Variants in GRK2 observed in about 807,000 individuals in gnomAD.
The protein encoded by GRK2 is adrenergic beta receptor kinase 1.
GRK2 carries 23 observed loss-of-function variants against 97.8 expected under a neutral mutation model. The observed-to-expected ratio is 0.24, with a 90% CI of 0.17 to 0.33. The LOEUF (loss-of-function observed/expected upper bound fraction) is 0.33. Among genes scored for constraint, GRK2 ranks in the 10% least tolerant of loss-of-function variants. The probability of loss-of-function intolerance (pLI) is 1.00; values close to 1 mark genes in which losing one functional copy is unlikely to be tolerated. For missense variants in GRK2, 633 were observed against 956.9 expected, an observed-to-expected ratio of 0.66 and a Z score of 4.47; for synonymous variants, 425 against 381.7, an observed-to-expected ratio of 1.11 and a Z score of -1.32.
At chr11:67,267,689 CA>C (rs1237909313) in intron 1 of GRK2, among the ~76,000 whole-genome samples, 1 of 152,240 alleles carries the variant, frequency 6.6e-6, no homozygotes, top group Admixed American at 6.5e-5. Flanking sequence ...GATGTAGGTG[CA>C]AAAGTACACA....
chr11:67,267,453 G>C (rs1488308608), intron 1 of GRK2, among the ~76,000 whole-genome samples: 1 of 152,216 alleles, frequency 6.6e-6, no homozygotes, highest in Non-Finnish European at 1.5e-5. Context: ...TGGTGAGCAG[G>C]ACCTAGGGTG....
chr11:67,284,261 G>C lies in GRK2; in HGVS notation c.1542G>C (p.Ser514=). 1 of 1,613,586 alleles carries C rather than the reference G, an allele frequency of 6.2e-7. No homozygotes were observed. Among genetic ancestry groups the C allele is most frequent in the Non-Finnish European group, 8.5e-7 (1 of 1,179,988 alleles). The stretch of plus-strand genomic sequence containing the variant: ...ACCGCAACTTCCCCCTCACCATCTC[G>C]GAGCGGTGGCAGCAGGAGGTGGCAG... ...ELYRNFPLTI[S]ERWQQEVAET... Residue 514 remains serine (S), a synonymous_variant, in exon 18 of 21, where the codon TCG becomes TCC. Coordinates refer to ENST00000308595, the MANE Select transcript of GRK2 (RefSeq NM_001619.5).
intron 1 of GRK2, among the ~76,000 whole-genome samples, chr11:67,267,500 G>C (rs1043465695): frequency 2.6e-5 from 4 of 152,190 alleles, no homozygotes; most frequent in African/African-American, 9.6e-5. Flanking sequence ...CGCTCAGGTC[G>C]GGGAAACATC....
chr11:67,285,211 A>T (rs1197709308), intron 20 of GRK2, 23 bp downstream of exon 20: 1 of 1,612,700 alleles, frequency 6.2e-7, no homozygotes, highest in Non-Finnish European at 8.5e-7. Flanking sequence ...TGAGCCAGGG[A>T]TGGGAGGGCC....
intron 18 of GRK2, chr11:67,284,632 C>T: frequency 4.0e-6 from 3 of 748,610 alleles, no homozygotes; most frequent in Middle Eastern, 4.0e-4. Flanking sequence ...CAAAAAATAC[C>T]AAAAAAATTA....
At chr11:67,279,391 A>T in intron 3 of GRK2, 27 bp from the exon 4 acceptor site, 1 of 1,611,320 alleles carries the variant, frequency 6.2e-7, no homozygotes, top group Non-Finnish European at 8.5e-7. Context: ...TGGGCTCTAG[A>T]TGACCTGCAG....
At chr11:67,283,456 T>A in intron 15 of GRK2, 1 of 608,602 alleles carries the variant, frequency 1.6e-6, no homozygotes, top group Non-Finnish European at 2.9e-6. Context: ...TTGTCACAGA[T>A]GATGATGATA....
intron 14 of GRK2, 105 bp from the exon 15 acceptor site, chr11:67,283,023 C>T: frequency 8.0e-7 from 1 of 1,250,990 alleles, no homozygotes; most frequent in Non-Finnish European, 1.2e-6. Context: ...GGATGCTGTG[C>T]CCCATCTGTC....
rs756838282 is a variant in GRK2, at chr11:67,279,665, C to T, written c.406C>T (p.Leu136=). The T allele has an allele frequency of 4.3e-6, 7 of 1,613,624 alleles. No homozygotes were observed. Among genetic ancestry groups the T allele is most frequent in the Non-Finnish European group, 5.9e-6 (7 of 1,180,004 alleles). ...TGCCACTGAGCATGTCCAAGGCCAC[C>T]TGGGGAAGAAGCAGGTGCCTCCGGA... ...KSATEHVQGH[L]GKKQVPPDLF... Residue 136 remains leucine, a synonymous_variant, in exon 5 of 21, where the codon CTG becomes TTG. Transcript: ENST00000308595.
intron 1 of GRK2, among the ~76,000 whole-genome samples, chr11:67,274,223 G>A (rs1859973541): frequency 6.6e-6 from 1 of 152,004 alleles, no homozygotes; most frequent in African/African-American, 2.4e-5. Context: ...ATGTTGGTCA[G>A]GCTGGTCTTA....
chr11:67,280,135 G>C lies in GRK2; in HGVS notation c.503+235G>C, dbSNP rs543583376. ...AAAGCCCATCCCAGGCAGTCTCCTA[G>C]CTCCAGGGAGCTAGGAGAGCTGTGC... On this transcript the variant is annotated intron_variant, in intron 6 of 20. Transcript: ENST00000308595. 1.4e-5 allele frequency: 8 copies of C among 566,298 alleles called. No individual in the cohort carries two copies. The East Asian group carries it at 2.4e-4, about 17-fold the overall frequency. The allele number at this position is 566,298 out of a possible 1,614,324, so 35.1% of individuals were successfully genotyped here.
Position 67,279,503 on chromosome 11 carries a change from T to A in GRK2, c.350T>A (p.Leu117Gln), listed in dbSNP as rs1348561442. 5 of 1,613,050 alleles carry A rather than the reference T, an allele frequency of 3.1e-6. No individual in the cohort carries two copies. The highest frequency in any genetic ancestry group is 4.2e-6 in the Non-Finnish European group (5 of 1,179,996). Residue 117 changes from leucine to glutamine, a missense_variant, in exon 4 of 21, where the codon CTG becomes CAG. Physicochemically the swap from Leu to Gln is moderately radical, Grantham distance 113. Transcript: ENST00000308595. ...EIFDSYIMKE[L>Q]LACSHPFSKS... ...TTCGACTCATACATCATGAAGGAGC[T>A]GCTGGCCTGCTCGCATGTGAGTGTC...
In GRK2 at chr11:67,281,642, C is replaced by T. The variant is rs763209958; in HGVS notation, c.748-8C>T. ...CTGCCCGCCCCCTCCCCTCCTCTCCCCTCCTAGGACTGCCCATTCATTGTC... is the reference window on the plus strand; with the variant it reads ...CTGCCCGCCCCCTCCCCTCCTCTCCTCTCCTAGGACTGCCCATTCATTGTC... On this transcript the variant is annotated splice_polypyrimidine_tract_variant and splice_region_variant and intron_variant, in intron 9 of 20. Transcript: ENST00000308595. This position sits in a 1 kb window ranked among gnomAD's most constrained non-coding sequence, Gnocchi z 5.7. 1.5e-5 allele frequency: 24 copies of T among 1,611,744 alleles called. No individual in the cohort carries two copies. The highest frequency in any genetic ancestry group is 2.0e-5 in the Non-Finnish European group (23 of 1,178,506).
At chr11:67,284,499 C>A in intron 18 of GRK2, 126 bp downstream of exon 18, 2 of 1,191,032 alleles carry the variant, frequency 1.7e-6, no homozygotes, top group Non-Finnish European at 1.2e-6. Flanking sequence ...CAAACTCAGG[C>A]TGGGGCCGGG....
intron 6 of GRK2, 84 bp downstream of exon 6, chr11:67,279,984 C>T (rs1314466422): frequency 2.8e-6 from 4 of 1,407,046 alleles, no homozygotes; most frequent in Non-Finnish European, 4.0e-6. Context: ...GGGCAGAAGC[C>T]AGCCTTCATT....
In GRK2 at chr11:67,285,154, T is replaced by C. The variant is rs1860245848; in HGVS notation, c.1871T>C (p.Ile624Thr). ...IKERKCLLLK[I>T]RGGKQFILQC... ...GAGCGCAAGTGCCTGCTCCTCAAGA[T>C]CCGCGGTGGGAAACAGTTCATTTTG... is the stretch of plus-strand genomic sequence containing the variant. The change falls in exon 20 of 21, where the codon ATC becomes ACC. Residue 624 changes from isoleucine (I) to threonine (T), a missense_variant. By Grantham distance (89) the Ile-to-Thr change is moderately conservative (BLOSUM62 -1). Coordinates refer to ENST00000308595, the MANE Select transcript of GRK2 (RefSeq NM_001619.5). 1 of 1,613,486 alleles carries C rather than the reference T, an allele frequency of 6.2e-7. No individual in the cohort carries two copies. The highest frequency in any genetic ancestry group is 2.2e-5 in the East Asian group (1 of 44,856).
At position 67,283,851 on chromosome 11, in the gene GRK2, C is replaced by T; in HGVS notation, c.1396-3C>T. 5.0e-6 allele frequency: 8 copies of T among 1,612,864 alleles called. No homozygotes were observed. Among genetic ancestry groups the T allele is most frequent in the Non-Finnish European group, 6.8e-6 (8 of 1,179,636 alleles). On this transcript the variant is annotated splice_polypyrimidine_tract_variant and splice_region_variant and intron_variant, in intron 16 of 20. Coordinates refer to ENST00000308595, the MANE Select transcript of GRK2 (RefSeq NM_001619.5). ...AATGCCCATGACCCCTGTTCTGCTGCAGTACCCTCCCCCGCTGATCCCCCC... is the reference window on the plus strand; with the variant it reads ...AATGCCCATGACCCCTGTTCTGCTGTAGTACCCTCCCCCGCTGATCCCCCC...
intron 17 of GRK2, 70 bp downstream of exon 17, chr11:67,284,019 C>G (rs560748763): frequency 2.7e-6 from 4 of 1,470,552 alleles, no homozygotes; most frequent in Non-Finnish European, 3.7e-6. Context: ...CCTCTCCCTT[C>G]TTATCACCTG....
intron 2 of GRK2, among the ~76,000 whole-genome samples, chr11:67,277,555 G>T (rs572543298): frequency 3.2e-4 from 49 of 152,254 alleles, no homozygotes; most frequent in Non-Finnish European, 5.6e-4. Flanking sequence ...GCCCCGTGGT[G>T]GGGGTGGGGG....
Sources: allele counts gnomAD v4.1 joint callset (sites outside exome capture counted in the v4.1 genomes callset), GRCh38; gene constraint gnomAD v4.1.1; non-coding constraint Gnocchi (gnomAD v3.1); transcripts MANE v1.5; gene names NCBI Gene and HGNC (gene_info 2026-07-23, HGNC 2026-07-21).